OXCT1: variants seen among roughly 807,000 people sequenced by gnomAD.
OXCT1 encodes the protein 3-oxoacid CoA-transferase 1.
OXCT1 carries 27 observed loss-of-function variants against 69.6 expected under a neutral mutation model. That is an observed-to-expected ratio of 0.39 (90% CI 0.29 to 0.54). OXCT1 has a LOEUF of 0.54. Among genes scored for constraint, OXCT1 ranks in the 20% least tolerant of loss-of-function variants. The pLI, the probability that OXCT1 is intolerant of heterozygous loss-of-function variation, is 0.72. For synonymous variants in OXCT1, 202 were observed against 217.8 expected, an observed-to-expected ratio of 0.93 and a Z score of 0.64; for missense variants, 437 against 650.2, an observed-to-expected ratio of 0.67 and a Z score of 3.57.
chr5:41,747,880 C>G (rs1177781758), intron 15 of OXCT1, among the ~76,000 whole-genome samples: 2 of 152,058 alleles, frequency 1.3e-5, no homozygotes, highest in African/African-American at 4.8e-5. Flanking sequence ...CAGCTTTTCT[C>G]TATGTCCCTA....
intron 7 of OXCT1, among the ~76,000 whole-genome samples, chr5:41,808,662 G>A (rs1450838767): frequency 6.6e-6 from 1 of 152,110 alleles, no homozygotes; most frequent in Non-Finnish European, 1.5e-5. Flanking sequence ...ATCTGGGGAT[G>A]AGTGAGGAGA....
chr5:41,791,784 T>C (rs1402296263), intron 13 of OXCT1, among the ~76,000 whole-genome samples: 1 of 152,090 alleles, frequency 6.6e-6, no homozygotes, highest in African/African-American at 2.4e-5. Flanking sequence ...TATCCGCAAC[T>C]TCTTTTTTAT....
intron 15 of OXCT1, among the ~76,000 whole-genome samples, chr5:41,743,622 T>G (rs1743308476): frequency 1.3e-5 from 2 of 152,228 alleles, no homozygotes; most frequent in Non-Finnish European, 2.9e-5. Flanking sequence ...GGTCTAACAT[T>G]TAACTCTTTA....
chr5:41,787,508 T>C (rs936889167), intron 13 of OXCT1, among the ~76,000 whole-genome samples: 2 of 151,942 alleles, frequency 1.3e-5, no homozygotes, highest in Non-Finnish European at 2.9e-5. Context: ...AGGAGGTCAT[T>C]ATACAGAGTG....
At chr5:41,829,871 T>C (rs1748006910) in intron 7 of OXCT1, among the ~76,000 whole-genome samples, 1 of 152,166 alleles carries the variant, frequency 6.6e-6, no homozygotes, top group South Asian at 2.1e-4. Flanking sequence ...ACATCTTCAT[T>C]AGCATCCAAA....
intron 15 of OXCT1, among the ~76,000 whole-genome samples, chr5:41,748,141 A>C (rs1407316218): frequency 6.6e-6 from 1 of 152,142 alleles, no homozygotes; most frequent in Non-Finnish European, 1.5e-5. Context: ...CAAAATGAAC[A>C]GTGGACCACT....
intron 11 of OXCT1, 54 bp downstream of exon 11, chr5:41,800,968 T>A: frequency 2.1e-6 from 3 of 1,446,126 alleles, no homozygotes; most frequent in Non-Finnish European, 2.9e-6. Context: ...CAAACTCTTA[T>A]TATGTAGCAC....
intron 13 of OXCT1, among the ~76,000 whole-genome samples, chr5:41,792,740 T>G (rs1296919425): frequency 6.6e-6 from 1 of 152,242 alleles, no homozygotes; most frequent in African/African-American, 2.4e-5. Context: ...CACAATTTGC[T>G]AAGGGTTCTT....
At chr5:41,830,897 A>T (rs1165085663) in intron 7 of OXCT1, among the ~76,000 whole-genome samples, 3 of 152,210 alleles carry the variant, frequency 2.0e-5, no homozygotes, top group Non-Finnish European at 4.4e-5. Flanking sequence ...TGATGCCCCA[A>T]ATCTCTAAAA....
chr5:41,732,922 T>C (rs371895812), intron 16 of OXCT1, among the ~76,000 whole-genome samples: 1 of 152,218 alleles, frequency 6.6e-6, no homozygotes, highest in Non-Finnish European at 1.5e-5. Flanking sequence ...TAATGTCTTG[T>C]CTTCCATTTT....
chr5:41,820,468 G>A (rs1268734028), intron 7 of OXCT1, among the ~76,000 whole-genome samples: 1 of 152,130 alleles, frequency 6.6e-6, no homozygotes, highest in African/African-American at 2.4e-5. Flanking sequence ...AGCATTAATA[G>A]TGAAAGATGG....
At chr5:41,794,129 T>C (rs1446802817) in intron 12 of OXCT1, 51 bp from the exon 13 acceptor site, 1 of 1,403,288 alleles carries the variant, frequency 7.1e-7, no homozygotes, top group Admixed American at 1.7e-5. Flanking sequence ...TTTTGTCCCC[T>C]TTGCTTGAAC....
At chr5:41,761,117 C>T (rs948384717) in intron 14 of OXCT1, among the ~76,000 whole-genome samples, 2 of 152,152 alleles carry the variant, frequency 1.3e-5, no homozygotes, top group African/African-American at 4.8e-5. Flanking sequence ...ATGAAGAAAG[C>T]ATTCAATATC....
At chr5:41,753,741 T>C (rs1217504056) in intron 14 of OXCT1, among the ~76,000 whole-genome samples, 1 of 152,084 alleles carries the variant, frequency 6.6e-6, no homozygotes, top group African/African-American at 2.4e-5. Flanking sequence ...TTTTTCTTCA[T>C]ATGTACAGCC....
intron 14 of OXCT1, among the ~76,000 whole-genome samples, chr5:41,759,588 C>T (rs539229413): frequency 9.9e-5 from 15 of 152,094 alleles, no homozygotes; most frequent in African/African-American, 3.1e-4. Context: ...GAGCAGCACC[C>T]GTAGGTAGCC....
chr5:41,852,317 G>A (rs562019579), intron 4 of OXCT1, among the ~76,000 whole-genome samples: 2 of 152,276 alleles, frequency 1.3e-5, no homozygotes, highest in East Asian at 1.9e-4. Flanking sequence ...ACTGCAACAC[G>A]AGCCTCAGAA....
intron 16 of OXCT1, among the ~76,000 whole-genome samples, chr5:41,734,424 C>G (rs1742788406): frequency 6.6e-6 from 1 of 152,082 alleles, no homozygotes; most frequent in Non-Finnish European, 1.5e-5. Flanking sequence ...AGAAACAACC[C>G]AAATAACCAA....
chr5:41,767,953 A>C (rs1175696718), intron 13 of OXCT1, among the ~76,000 whole-genome samples: 1 of 151,570 alleles, frequency 6.6e-6, no homozygotes, highest in African/African-American at 2.4e-5. Flanking sequence ...CTCTGTCCTC[A>C]GCTCTTGCCT....
intron 15 of OXCT1, among the ~76,000 whole-genome samples, chr5:41,742,097 A>T (rs1380824061): frequency 1.3e-5 from 2 of 152,232 alleles, no homozygotes; most frequent in Non-Finnish European, 2.9e-5. Flanking sequence ...TAACTGTGGT[A>T]TCAAAAATTT....
Sources: gnomAD v4.1 joint callset for allele counts (sites outside exome capture counted in the v4.1 genomes callset) on GRCh38, gnomAD v4.1.1 for gene constraint, MANE v1.5 for transcripts, NCBI Gene and HGNC (gene_info 2026-07-23, HGNC 2026-07-21) for gene names.